The following ERBB4 variants were observed in gnomAD, a reference collection of about 807,000 sequenced individuals.
ERBB4 encodes receptor tyrosine-protein kinase erbB-4.
A neutral mutation model predicts 158.0 loss-of-function variants in ERBB4; 42 were observed. The observed-to-expected ratio is 0.27, with a 90% CI of 0.21 to 0.34. The LOEUF is 0.34. Among genes scored for constraint, ERBB4 ranks in the 10% least tolerant of loss-of-function variants. The pLI is 1.00. For synonymous variants in ERBB4, 583 were observed against 558.7 expected, an observed-to-expected ratio of 1.04 and a Z score of -0.61; for missense variants, 1,333 against 1,624.1, an observed-to-expected ratio of 0.82 and a Z score of 3.08.
intron 4 of ERBB4, among the ~76,000 whole-genome samples, chr2:211,787,238 A>G (rs1360137698): frequency 6.6e-6 from 1 of 152,214 alleles, no homozygotes; most frequent in Non-Finnish European, 1.5e-5. Flanking sequence ...CACTTGATGA[A>G]AATTCTGTTT....
At chr2:211,621,448 A>G (rs1404989151) in intron 18 of ERBB4, among the ~76,000 whole-genome samples, 1 of 152,172 alleles carries the variant, frequency 6.6e-6, no homozygotes, top group East Asian at 1.9e-4. Flanking sequence ...ATTGATTAAA[A>G]CTTAGAGTCA....
intron 9 of ERBB4, among the ~76,000 whole-genome samples, chr2:211,708,773 T>A (rs1277308698): frequency 1.3e-5 from 2 of 152,112 alleles, no homozygotes; most frequent in Admixed American, 1.3e-4. Flanking sequence ...ACAATAATCA[T>A]AGGAAATAGG....
chr2:211,778,330 G>A (rs1018552739), intron 4 of ERBB4: 5 of 151,982 alleles, frequency 3.3e-5, no homozygotes, highest in African/African-American at 9.7e-5. Context: ...CCTGTTATTC[G>A]GCACAAGGGC....
intron 27 of ERBB4, among the ~76,000 whole-genome samples, chr2:211,384,903 A>G (rs1048811674): frequency 6.6e-6 from 1 of 152,092 alleles, no homozygotes; most frequent in Non-Finnish European, 1.5e-5. Flanking sequence ...AAAGGTGCTA[A>G]TAATTATCAC....
intron 1 of ERBB4, among the ~76,000 whole-genome samples, chr2:212,209,154 A>G (rs901463606): frequency 6.6e-6 from 1 of 152,168 alleles, no homozygotes; most frequent in Non-Finnish European, 1.5e-5. Context: ...TGGAAATAAA[A>G]TTAATGTCAG....
At chr2:212,240,637 CAAAAAAAAAAAA>C (rs71054188) in intron 1 of ERBB4, among the ~76,000 whole-genome samples, 252 of 35,790 alleles carry the variant, frequency 7.0e-3, no homozygotes, top group African/African-American at 0.025. Context: ...CACTCTGGCT[CAAAAAAAAAAAA>C]AAAAAAAAAA....
At chr2:212,164,021 C>G (rs2081277617) in intron 1 of ERBB4, among the ~76,000 whole-genome samples, 1 of 151,960 alleles carries the variant, frequency 6.6e-6, no homozygotes, top group South Asian at 2.1e-4. Flanking sequence ...GGCTGGGTTT[C>G]AAGCTCCTGG....
intron 1 of ERBB4, among the ~76,000 whole-genome samples, chr2:212,421,723 T>C (rs921386574): frequency 2.0e-5 from 3 of 152,284 alleles, no homozygotes; most frequent in Non-Finnish European, 4.4e-5. Flanking sequence ...TTTGAAGACA[T>C]GAAAAATGGT....
At chr2:211,708,439 T>C (rs1477590224) in intron 9 of ERBB4, among the ~76,000 whole-genome samples, 2 of 152,124 alleles carry the variant, frequency 1.3e-5, no homozygotes, top group African/African-American at 4.8e-5. Flanking sequence ...TTGCCTTTAT[T>C]TGGTTTCCAA....
intron 5 of ERBB4, among the ~76,000 whole-genome samples, chr2:211,730,373 C>T (rs1186565137): frequency 2.6e-5 from 4 of 151,870 alleles, no homozygotes; most frequent in African/African-American, 7.2e-5. Context: ...TCTGTTCGCC[C>T]GTTAACAATA....
At chr2:211,997,874 T>C (rs4473336) in intron 2 of ERBB4, among the ~76,000 whole-genome samples, 71,180 of 149,482 alleles carry the variant, frequency 0.48, 17,922 homozygotes, top group Non-Finnish European at 0.56. Flanking sequence ...TCATATAGCC[T>C]ATCAATCATG....
chr2:211,712,166 G>A lies in ERBB4; in HGVS notation c.1008C>T (p.Gly336=). Residue 336 remains glycine, a synonymous_variant, in exon 9 of 28, where the codon GGC becomes GGT. Coordinates refer to ENST00000342788, the MANE Select transcript of ERBB4 (RefSeq NM_005235.3). Reference sequence around the variant, plus strand: ...CTGACATCAATGATCCTGTGCCAATGCCATCACAAGCTGTAGAAACAAGAC... The same window carrying A: ...CTGACATCAATGATCCTGTGCCAATACCATCACAAGCTGTAGAAACAAGAC... ...CTDICPKACD[G]IGTGSLMSAQ... is the part of the protein sequence containing the mutation. 6.2e-7 allele frequency: 1 copy of A among 1,613,356 alleles called. No homozygotes were observed. Among genetic ancestry groups the A allele is most frequent in the South Asian group, 1.1e-5 (1 of 91,066 alleles).
intron 3 of ERBB4, among the ~76,000 whole-genome samples, chr2:211,811,280 T>C (rs1229891429): frequency 6.6e-6 from 1 of 152,156 alleles, no homozygotes; most frequent in Admixed American, 6.5e-5. Flanking sequence ...TGAAGCTTAG[T>C]TTGACTGGAT....
chr2:211,692,618 T>A (rs181857499), intron 12 of ERBB4, among the ~76,000 whole-genome samples: 1 of 152,238 alleles, frequency 6.6e-6, no homozygotes, highest in African/African-American at 2.4e-5. Context: ...TGCAGTGACA[T>A]TGCTCCAACC....
intron 1 of ERBB4, among the ~76,000 whole-genome samples, chr2:212,382,833 T>C (rs1025344726): frequency 2.0e-5 from 3 of 151,338 alleles, no homozygotes; most frequent in African/African-American, 7.3e-5. Flanking sequence ...ATCATGTTTT[T>C]TCTTTTTGTA....
chr2:211,733,929 A>T (rs2106160361), intron 5 of ERBB4, among the ~76,000 whole-genome samples: 1 of 147,528 alleles, frequency 6.8e-6, no homozygotes, highest in East Asian at 1.9e-4. Flanking sequence ...AAAAATACAA[A>T]AATTAGCCAG....
chr2:212,500,709 G>C (rs1690841422), intron 1 of ERBB4, among the ~76,000 whole-genome samples: 1 of 151,892 alleles, frequency 6.6e-6, no homozygotes, highest in Non-Finnish European at 1.5e-5. Context: ...CAAGAAGATA[G>C]AACAAATTAC....
chr2:211,643,393 T>C (rs1313581420), intron 16 of ERBB4, among the ~76,000 whole-genome samples: 2 of 152,068 alleles, frequency 1.3e-5, no homozygotes, highest in African/African-American at 2.4e-5. Flanking sequence ...ATGAAACCCA[T>C]GGCAACAGCT....
intron 20 of ERBB4, among the ~76,000 whole-genome samples, chr2:211,556,273 C>T (rs993788275): frequency 6.6e-6 from 1 of 152,188 alleles, no homozygotes; most frequent in Non-Finnish European, 1.5e-5. Flanking sequence ...CACAGGAGCA[C>T]TTAGATTCAT....
Sources: allele counts gnomAD v4.1 joint callset (sites outside exome capture counted in the v4.1 genomes callset), GRCh38; gene constraint gnomAD v4.1.1; transcripts MANE v1.5; gene names NCBI Gene and HGNC (gene_info 2026-07-23, HGNC 2026-07-21).